CSRNP3: variants seen among roughly 807,000 people sequenced by gnomAD.
CSRNP3 encodes the protein cysteine and serine rich nuclear protein 3, also known as cysteine/serine-rich nuclear protein 3.
CSRNP3 carries 12 observed loss-of-function variants against 48.0 expected under a neutral mutation model. That is an observed-to-expected ratio of 0.25 (90% confidence interval 0.16 to 0.41). The LOEUF is 0.41. CSRNP3 is among the 10% of genes least tolerant of loss of function. CSRNP3 has a pLI of 1.00. For missense variants in CSRNP3, 580 were observed against 724.4 expected (o/e 0.80, Z 2.29); for synonymous variants, 263 against 269.7 (o/e 0.98, Z 0.24).
At chr2:165,509,553 G>A (rs1356542150) in intron 2 of CSRNP3, among the ~76,000 whole-genome samples, 3 of 152,126 alleles carry the variant, frequency 2.0e-5, no homozygotes, top group African/African-American at 2.4e-5. Flanking sequence ...TGGCTGTGGG[G>A]TGTGAGAGAA....
At chr2:165,542,014 T>C (rs1027493725) in intron 3 of CSRNP3, among the ~76,000 whole-genome samples, 4 of 152,172 alleles carry the variant, frequency 2.6e-5, no homozygotes, top group Non-Finnish European at 5.9e-5. Context: ...CACAGCACTG[T>C]CCATGCTGAA....
chr2:165,610,482 A>G (rs1490414716), intron 4 of CSRNP3, among the ~76,000 whole-genome samples: 1 of 152,222 alleles, frequency 6.6e-6, no homozygotes, highest in African/African-American at 2.4e-5. Context: ...TTGTACTGGC[A>G]TCATGCATCT....
At chr2:165,590,588 G>A (rs1685700367) in intron 3 of CSRNP3, among the ~76,000 whole-genome samples, 1 of 152,150 alleles carries the variant, frequency 6.6e-6, no homozygotes, top group African/African-American at 2.4e-5. Context: ...CACATGTCAT[G>A]GGATGGACCC....
At chr2:165,664,231 G>GT (rs1224039935) in intron 5 of CSRNP3, among the ~76,000 whole-genome samples, 4 of 152,122 alleles carry the variant, frequency 2.6e-5, no homozygotes, top group African/African-American at 9.7e-5. Context: ...TTTTCCTTTA[G>GT]TTTTCCAGAG....
chr2:165,491,615 C>CA (rs1232417153), intron 1 of CSRNP3, among the ~76,000 whole-genome samples: 1 of 50,732 alleles, frequency 2.0e-5, no homozygotes, highest in Admixed American at 2.4e-4. Flanking sequence ...GAATACTATG[C>CA]AGCCATAAAA....
chr2:165,647,122 T>G (rs183162890), intron 4 of CSRNP3, among the ~76,000 whole-genome samples: 8 of 152,194 alleles, frequency 5.3e-5, no homozygotes, highest in Non-Finnish European at 1.0e-4. Flanking sequence ...GCTTTCCATC[T>G]GTGGTTCATA....
intron 3 of CSRNP3, among the ~76,000 whole-genome samples, chr2:165,548,237 A>G (rs1456214782): frequency 1.3e-5 from 2 of 152,058 alleles, no homozygotes; most frequent in African/African-American, 4.8e-5. Context: ...AGAATTTTGC[A>G]TCTCCTAAAA....
intron 3 of CSRNP3, among the ~76,000 whole-genome samples, chr2:165,571,606 T>C (rs1170428323): frequency 5.9e-5 from 9 of 152,120 alleles, no homozygotes; most frequent in African/African-American, 2.2e-4. Context: ...ATAAGGTAAA[T>C]CATATGTTTT....
At chr2:165,606,808 T>C (rs13412684) in intron 4 of CSRNP3, among the ~76,000 whole-genome samples, 59,983 of 151,912 alleles carry the variant, frequency 0.39, 12,010 homozygotes, top group Admixed American at 0.48. Context: ...ATAGTATTTA[T>C]GTAATTAAAA....
chr2:165,658,064 G>A lies in CSRNP3; in HGVS notation c.408+44G>A, dbSNP rs201590164. ...TTCTGCAAAGTCTCATATCCTTACA[G>A]CAATTTGATTGAGTTAACCATTTTC... On this transcript the variant is annotated intron_variant, in intron 5 of 6. Coordinates refer to ENST00000651982, the MANE Select transcript of CSRNP3 (RefSeq NM_001172173.2). The A allele has an allele frequency of 8.1e-4, 1,275 of 1,578,246 alleles. 4 individuals carry two copies. The highest frequency in any genetic ancestry group is 1.0e-3 in the Non-Finnish European group (1,175 of 1,158,002).
intron 4 of CSRNP3, among the ~76,000 whole-genome samples, chr2:165,628,597 G>T (rs970142301): frequency 2.0e-5 from 3 of 152,030 alleles, no homozygotes; most frequent in Non-Finnish European, 2.9e-5. Context: ...GGTGGTGGGC[G>T]CCTATAATCC....
chr2:165,626,105 C>T (rs978722522), intron 4 of CSRNP3, among the ~76,000 whole-genome samples: 1 of 151,510 alleles, frequency 6.6e-6, no homozygotes, highest in Non-Finnish European at 1.5e-5. Flanking sequence ...TGCCTATAAT[C>T]CCAGCTACTT....
intron 4 of CSRNP3, among the ~76,000 whole-genome samples, chr2:165,648,229 T>G (rs992485075): frequency 6.6e-5 from 10 of 152,128 alleles, no homozygotes; most frequent in Admixed American, 2.6e-4. Context: ...TTGATTGATT[T>G]ATTGATGCAA....
intron 3 of CSRNP3, among the ~76,000 whole-genome samples, chr2:165,561,520 A>C (rs1215333097): frequency 6.6e-6 from 1 of 152,132 alleles, no homozygotes; most frequent in East Asian, 1.9e-4. Flanking sequence ...AAGTCATTTT[A>C]ACATTGGTAA....
At chr2:165,610,065 C>T (rs1457379435) in intron 4 of CSRNP3, among the ~76,000 whole-genome samples, 3 of 152,164 alleles carry the variant, frequency 2.0e-5, no homozygotes, top group Non-Finnish European at 4.4e-5. Context: ...ACTGCACTGA[C>T]ATTTTATGTG....
At chr2:165,483,228 A>G (rs530260074) in intron 1 of CSRNP3, among the ~76,000 whole-genome samples, 1 of 152,206 alleles carries the variant, frequency 6.6e-6, no homozygotes, top group South Asian at 2.1e-4. Flanking sequence ...TTGCCTGGTA[A>G]CAACACACAT....
At chr2:165,492,192 C>T (rs1684221817) in intron 1 of CSRNP3, among the ~76,000 whole-genome samples, 1 of 152,086 alleles carries the variant, frequency 6.6e-6, no homozygotes, top group Admixed American at 6.6e-5. Context: ...TCCTTTTTCC[C>T]ATCACTTCTA....
intron 4 of CSRNP3, among the ~76,000 whole-genome samples, chr2:165,625,631 CA>C (rs142895753): frequency 0.17 from 24,960 of 145,116 alleles, 2,472 homozygotes; most frequent in South Asian, 0.39. Context: ...GAGATTCTGT[CA>C]AAAAAAAAGA....
At chr2:165,505,177 A>T (rs973141655) in intron 2 of CSRNP3, among the ~76,000 whole-genome samples, 26 of 152,122 alleles carry the variant, frequency 1.7e-4, no homozygotes, top group Admixed American at 1.3e-4. Flanking sequence ...AGTTTTGGGA[A>T]GTCAAAACGA....
Sources: allele counts gnomAD v4.1 joint callset (sites outside exome capture counted in the v4.1 genomes callset), GRCh38; gene constraint gnomAD v4.1.1; transcripts MANE v1.5; gene names NCBI Gene and HGNC (gene_info 2026-07-23, HGNC 2026-07-21).